Variants in USP20 observed in about 807,000 individuals in gnomAD.
USP20 encodes ubiquitin specific peptidase 20, also known as ubiquitin carboxyl-terminal hydrolase 20.
Under a neutral mutation model 124.2 loss-of-function variants are expected in USP20, and 80 were observed. The observed-to-expected ratio is 0.64, with a 90% CI of 0.54 to 0.78. USP20 has a LOEUF of 0.78. Among genes scored for constraint, USP20 ranks in the 30% least tolerant of loss-of-function variants. USP20 has a pLI of 0.00. For synonymous variants in USP20, 481 were observed against 512.3 expected (o/e 0.94, Z 0.83); for missense variants, 1,043 against 1,244.4 (o/e 0.84, Z 2.44).
At chr9:129,837,036 A>G (rs2031895186) in intron 1 of USP20, among the ~76,000 whole-genome samples, 1 of 152,222 alleles carries the variant, frequency 6.6e-6, no homozygotes, top group African/African-American at 2.4e-5. Context: ...CAGGGTACAG[A>G]TGAGCTGCTC....
intron 15 of USP20, among the ~76,000 whole-genome samples, chr9:129,872,133 G>GT (rs2034157935): frequency 1.3e-5 from 2 of 152,018 alleles, no homozygotes; most frequent in Non-Finnish European, 2.9e-5. Flanking sequence ...TGCCTATTTT[G>GT]TTTTTTGTTG....
intron 4 of USP20, 95 bp downstream of exon 4, chr9:129,856,455 G>T (rs1320263909): frequency 7.0e-7 from 1 of 1,433,030 alleles, no homozygotes. Flanking sequence ...TCTGGGCTGG[G>T]AACTTCCATC....
chr9:129,868,528 G>T, intron 11 of USP20, 79 bp downstream of exon 11: 1 of 1,499,198 alleles, frequency 6.7e-7, no homozygotes, highest in Non-Finnish European at 8.9e-7. Flanking sequence ...CCGACCTGCA[G>T]TAGCCCCCGG....
At chr9:129,869,559 G>C (rs2034011640) in intron 13 of USP20, 113 bp from the exon 14 acceptor site, 1 of 1,541,006 alleles carries the variant, frequency 6.5e-7, no homozygotes, top group African/African-American at 1.4e-5. Context: ...TGCCTGCGTG[G>C]ATCCCGTGTC....
At chr9:129,871,483 C>T (rs2034126067) in intron 15 of USP20, among the ~76,000 whole-genome samples, 1 of 152,170 alleles carries the variant, frequency 6.6e-6, no homozygotes, top group African/African-American at 2.4e-5. Context: ...CTGCTCTGAC[C>T]ATGGGTGTGC....
rs370182930 is a variant in USP20, at chr9:129,870,496, G to A, written c.1609G>A (p.Val537Ile). 1.9e-5 allele frequency: 31 copies of A among 1,614,148 alleles called. No homozygotes were observed. The highest frequency in any genetic ancestry group is 1.2e-4 in the South Asian group (11 of 91,058). The change falls in exon 15 of 26, where the codon GTC becomes ATC. Residue 537 changes from valine to isoleucine, a missense_variant. Val to Ile is a conservative substitution (Grantham distance 29, BLOSUM62 3). Coordinates refer to ENST00000372429, the MANE Select transcript of USP20 (RefSeq NM_001110303.4). ...CCCCAGCTGGTTTTGGGGGCCTGTC[G>A]TCACCCTGGAAGACTGCCTTGCTGC... ...CTPSWFWGPV[V>I]TLEDCLAAFF...
At chr9:129,857,902 G>A (rs1164797190) in intron 4 of USP20, 148 bp from the exon 5 acceptor site, 11 of 718,728 alleles carry the variant, frequency 1.5e-5, no homozygotes, top group Admixed American at 2.0e-5. Context: ...CTACAGACCC[G>A]TGTTCCTTTG....
chr9:129,861,382 T>TGTGAGC (rs1195629003), intron 7 of USP20, among the ~76,000 whole-genome samples, 161 bp from the exon 8 acceptor site: 1 of 152,154 alleles, frequency 6.6e-6, no homozygotes, highest in Non-Finnish European at 1.5e-5. Context: ...GGAACCACGT[T>TGTGAGC]AGTTTACTGG....
rs749087410 is a variant in USP20, at chr9:129,869,006, C to T, written c.1276+4C>T. 3.8e-6 allele frequency: 6 copies of T among 1,580,208 alleles called. No individual in the cohort carries two copies. Among genetic ancestry groups the T allele is most frequent in the Non-Finnish European group, 5.2e-6 (6 of 1,157,470 alleles). On this transcript the variant is annotated splice_donor_region_variant and intron_variant, in intron 12 of 25. Transcript: ENST00000372429. Reference sequence around the variant, plus strand: ...CCGTCGTACGTGCTCAAGAAAGGTTCGGGGGGCACGGGAGGGTGGGTCAGC... The same window carrying T: ...CCGTCGTACGTGCTCAAGAAAGGTTTGGGGGGCACGGGAGGGTGGGTCAGC...
intron 1 of USP20, among the ~76,000 whole-genome samples, chr9:129,836,451 G>A (rs997148321): frequency 6.6e-6 from 1 of 152,162 alleles, no homozygotes; most frequent in Non-Finnish European, 1.5e-5. Context: ...ACAGGAATTG[G>A]TTGCAGGTCA....
intron 10 of USP20, 35 bp downstream of exon 10, chr9:129,865,416 G>GC: frequency 6.2e-7 from 1 of 1,612,196 alleles, no homozygotes; most frequent in Non-Finnish European, 8.5e-7. Context: ...GACACCCAAG[G>GC]CCATGACCCA....
At position 129,858,527 on chromosome 9, in the gene USP20, G is replaced by A. The variant is rs768052334; in HGVS notation, c.259G>A (p.Glu87Lys). 67 of 1,614,078 alleles carry A rather than the reference G, an allele frequency of 4.2e-5. No homozygotes were observed. The highest frequency in any genetic ancestry group is 3.3e-4 in the Middle Eastern group (2 of 6,082). The change falls in exon 6 of 26, where the codon GAG becomes AAG. Residue 87 changes from glutamate (E) to lysine (K), a missense_variant. Transcript: ENST00000372429. The part of the protein sequence containing the change: ...TTFRLWCYAC[E>K]KEVFLEQRLA... ...GTTCCGACTGTGGTGTTACGCCTGT[G>A]AGAAGGAGGTATTCCTGGAGCAGCG...
chr9:129,843,203 A>G (rs974948712), intron 1 of USP20, among the ~76,000 whole-genome samples: 8 of 150,652 alleles, frequency 5.3e-5, no homozygotes, highest in African/African-American at 2.0e-4. Flanking sequence ...GCCGCAGTGG[A>G]CAGATCACTT....
chr9:129,851,258 CTTTTTT>C (rs35791819), intron 2 of USP20, among the ~76,000 whole-genome samples: 1 of 126,242 alleles, frequency 7.9e-6, no homozygotes, highest in African/African-American at 3.2e-5. Flanking sequence ...ATAACACATA[CTTTTTT>C]TTTTTTTTTT....
chr9:129,856,264 G>C (rs1459651501), intron 3 of USP20, 43 bp from the exon 4 acceptor site: 2 of 1,599,918 alleles, frequency 1.3e-6, no homozygotes, highest in Non-Finnish European at 1.7e-6. Flanking sequence ...CCCGCAACGG[G>C]CTCCTCATGC....
In USP20 at chr9:129,871,194, C is replaced by G. The variant is rs1454477531; in HGVS notation, c.1660+647C>G. ...ACAGCTCCCTACTCCCACCTCCCAG[C>G]CCCTGGCAACCTCCACATTCAAGTC... is the stretch of plus-strand genomic sequence containing the variant. On this transcript the variant is annotated intron_variant, in intron 15 of 25. Coordinates refer to ENST00000372429, the MANE Select transcript of USP20 (RefSeq NM_001110303.4). 3.3e-5 allele frequency among the ~76,000 whole-genome samples: 5 copies of G among 152,104 alleles called. 1 individual carries two copies. The East Asian group carries it at 9.6e-4, about 29-fold the overall frequency.
chr9:129,862,737 C>T (rs2033613550), intron 8 of USP20, among the ~76,000 whole-genome samples: 1 of 151,438 alleles, frequency 6.6e-6, no homozygotes, highest in Non-Finnish European at 1.5e-5. Flanking sequence ...GAGCCTGTCT[C>T]TACTAAAAAT....
chr9:129,840,556 A>T (rs1156649859), intron 1 of USP20, among the ~76,000 whole-genome samples: 4 of 152,184 alleles, frequency 2.6e-5, no homozygotes, highest in African/African-American at 9.6e-5. Context: ...ATGAACTCCC[A>T]CATACCCCTC....
intron 2 of USP20, 65 bp from the exon 3 acceptor site, chr9:129,852,475 T>C: frequency 6.9e-7 from 1 of 1,448,932 alleles, no homozygotes; most frequent in Non-Finnish European, 9.4e-7. Flanking sequence ...ACTTAACCAC[T>C]CACCTCCCCA....
Sources: gnomAD v4.1 joint callset for allele counts (sites outside exome capture counted in the v4.1 genomes callset) on GRCh38, gnomAD v4.1.1 for gene constraint, MANE v1.5 for transcripts, NCBI Gene and HGNC (gene_info 2026-07-23, HGNC 2026-07-21) for gene names.